The following ST6GALNAC5 variants were observed in gnomAD, a reference collection of about 807,000 sequenced individuals.
The protein encoded by ST6GALNAC5 is ST6 N-acetylgalactosaminide alpha-2,6-sialyltransferase 5, also known as alpha-N-acetylgalactosaminide alpha-2,6-sialyltransferase 5.
ST6GALNAC5 carries 27 observed loss-of-function variants against 33.6 expected under a neutral mutation model. The observed-to-expected ratio is 0.80, with a 90% CI of 0.59 to 1.11. The LOEUF is 1.11. ST6GALNAC5 is among the 50% of genes least tolerant of loss of function. The pLI is 0.00. For synonymous variants in ST6GALNAC5, 194 were observed against 171.2 expected (o/e 1.13, Z -1.04); for missense variants, 428 against 454.0 (o/e 0.94, Z 0.52).
intron 2 of ST6GALNAC5, among the ~76,000 whole-genome samples, chr1:76,993,829 T>C (rs1649825259): frequency 6.6e-6 from 1 of 152,164 alleles, no homozygotes; most frequent in African/African-American, 2.4e-5. Flanking sequence ...GCCATATTCC[T>C]TCTGTTTTCA....
At chr1:76,900,507 A>G (rs546230661) in intron 2 of ST6GALNAC5, among the ~76,000 whole-genome samples, 1 of 152,330 alleles carries the variant, frequency 6.6e-6, no homozygotes, top group African/African-American at 2.4e-5. Flanking sequence ...CCCAGAATTA[A>G]AATATACTTT....
rs1472932832 is a variant in ST6GALNAC5, at chr1:76,869,128, G to A, written c.261+386G>A. 13 of 202,516 alleles carry A rather than the reference G, an allele frequency of 6.4e-5. No homozygotes were observed. In the East Asian group the frequency reaches 1.9e-3, roughly 30 times the overall value. The allele number at this position is 202,516 out of a possible 1,614,324, so 12.5% of individuals were successfully genotyped here. On this transcript the variant is annotated intron_variant, in intron 2 of 4. Transcript: ENST00000477717. ...GGGGTTGGCGCGGGTACCAGCCTGAGCGTTCCTCTGACCCGGAACCGGAGG... is the reference window on the plus strand; with the variant it reads ...GGGGTTGGCGCGGGTACCAGCCTGAACGTTCCTCTGACCCGGAACCGGAGG...
chr1:77,006,055 A>C (rs902965745), intron 2 of ST6GALNAC5, among the ~76,000 whole-genome samples: 2 of 152,142 alleles, frequency 1.3e-5, no homozygotes, highest in African/African-American at 2.4e-5. Context: ...TTTTCTATAT[A>C]TCTCTAGAAG....
intron 2 of ST6GALNAC5, among the ~76,000 whole-genome samples, chr1:76,946,658 C>G (rs957781359): frequency 1.3e-5 from 2 of 152,114 alleles, no homozygotes; most frequent in Non-Finnish European, 2.9e-5. Context: ...CCAGAGTGGT[C>G]TGTACATGAT....
chr1:76,980,227 T>G (rs1345313121), intron 2 of ST6GALNAC5, among the ~76,000 whole-genome samples: 1 of 152,142 alleles, frequency 6.6e-6, no homozygotes, highest in East Asian at 1.9e-4. Flanking sequence ...TTTTTATGAT[T>G]TCTTTCTCTA....
At chr1:76,971,585 G>GT (rs955302681) in intron 2 of ST6GALNAC5, among the ~76,000 whole-genome samples, 1 of 151,798 alleles carries the variant, frequency 6.6e-6, no homozygotes, top group African/African-American at 2.4e-5. Flanking sequence ...ATTTTTCCCT[G>GT]TTTTTTGCCT....
chr1:77,050,126 A>T, intron 3 of ST6GALNAC5, 132 bp from the exon 4 acceptor site: 1 of 685,316 alleles, frequency 1.5e-6, no homozygotes, highest in Non-Finnish European at 2.6e-6. Context: ...AAAGTTCCAG[A>T]TATTTACCAA....
chr1:76,965,862 A>G (rs1045219300), intron 2 of ST6GALNAC5, among the ~76,000 whole-genome samples: 6 of 152,124 alleles, frequency 3.9e-5, no homozygotes, highest in Non-Finnish European at 8.8e-5. Flanking sequence ...TATTAAATAG[A>G]GAATCCTTTC....
intron 2 of ST6GALNAC5, among the ~76,000 whole-genome samples, chr1:76,927,244 T>C (rs923790792): frequency 3.8e-4 from 58 of 152,078 alleles, no homozygotes; most frequent in African/African-American, 1.4e-3. Context: ...TTTTCCTTGT[T>C]ATTCAGAGTT....
intron 2 of ST6GALNAC5, among the ~76,000 whole-genome samples, chr1:76,913,218 C>A (rs1009898184): frequency 1.3e-5 from 2 of 151,570 alleles, no homozygotes; most frequent in African/African-American, 2.4e-5. Flanking sequence ...GTTGAAAATT[C>A]TTTTCTTTAA....
intron 2 of ST6GALNAC5, among the ~76,000 whole-genome samples, chr1:76,895,354 G>A (rs1654106170): frequency 2.0e-5 from 3 of 152,160 alleles, no homozygotes; most frequent in Non-Finnish European, 2.9e-5. Flanking sequence ...TGGGATTAGG[G>A]GCGGCGTGGG....
chr1:76,961,761 C>T (rs927303242), intron 2 of ST6GALNAC5, among the ~76,000 whole-genome samples: 1 of 152,122 alleles, frequency 6.6e-6, no homozygotes, highest in Non-Finnish European at 1.5e-5. Context: ...CTTGATTGCC[C>T]CTGTTAAACA....
chr1:76,909,013 T>C (rs1646888467), intron 2 of ST6GALNAC5, among the ~76,000 whole-genome samples: 2 of 152,208 alleles, frequency 1.3e-5, no homozygotes, highest in Admixed American at 6.6e-5. Context: ...ATTATAGCTA[T>C]GCTGCCATAT....
intron 2 of ST6GALNAC5, among the ~76,000 whole-genome samples, chr1:76,895,065 T>C (rs979462553): frequency 8.5e-5 from 13 of 152,070 alleles, no homozygotes; most frequent in Admixed American, 6.6e-4. Context: ...GGAGAAGGAA[T>C]TTCACAAGAC....
At chr1:76,968,468 G>A (rs942286797) in intron 2 of ST6GALNAC5, among the ~76,000 whole-genome samples, 3 of 152,074 alleles carry the variant, frequency 2.0e-5, no homozygotes, top group Non-Finnish European at 4.4e-5. Context: ...TTGAGCCTAT[G>A]TGTGTCTCTG....
At chr1:76,998,001 C>T (rs1195681439) in intron 2 of ST6GALNAC5, among the ~76,000 whole-genome samples, 2 of 152,148 alleles carry the variant, frequency 1.3e-5, no homozygotes, top group Admixed American at 1.3e-4. Flanking sequence ...TAAGGGGCTT[C>T]CCCCTTTTCT....
chr1:76,999,393 G>C (rs991192441), intron 2 of ST6GALNAC5, among the ~76,000 whole-genome samples: 1 of 152,000 alleles, frequency 6.6e-6, no homozygotes, highest in African/African-American at 2.4e-5. Flanking sequence ...CAATTTGGGA[G>C]ATGGGATGGT....
At chr1:76,887,127 C>T (rs779567356) in intron 2 of ST6GALNAC5, among the ~76,000 whole-genome samples, 31 of 152,124 alleles carry the variant, frequency 2.0e-4, no homozygotes, top group African/African-American at 4.8e-4. Flanking sequence ...TACTTCCAGC[C>T]GTTCCCACCT....
chr1:76,912,059 G>T (rs376529770), intron 2 of ST6GALNAC5, among the ~76,000 whole-genome samples: 10 of 151,862 alleles, frequency 6.6e-5, no homozygotes, highest in Admixed American at 4.6e-4. Flanking sequence ...CTTGTGGGCA[G>T]TTAGTGCTAT....
Sources: allele counts gnomAD v4.1 joint callset (sites outside exome capture counted in the v4.1 genomes callset), GRCh38; gene constraint gnomAD v4.1.1; transcripts MANE v1.5; gene names NCBI Gene and HGNC (gene_info 2026-07-23, HGNC 2026-07-21).